WASHC3: variants seen among roughly 807,000 people sequenced by gnomAD.
The protein encoded by WASHC3 is WASH complex subunit CCDC53.
A neutral mutation model predicts 26.1 loss-of-function variants in WASHC3; 24 were observed. The observed-to-expected ratio is 0.92, with a 90% CI of 0.66 to 1.29. The LOEUF (loss-of-function observed/expected upper bound fraction) is 1.29. Ranked by LOEUF, WASHC3 falls within the 50% of genes most tolerant of loss-of-function variation. The pLI is 0.00. For missense variants in WASHC3, 214 were observed against 229.6 expected (o/e 0.93, Z 0.44); for synonymous variants, 77 against 75.7 (o/e 1.02, Z -0.09).
At chr12:102,036,349 A>G (rs973617851) in intron 5 of WASHC3, among the ~76,000 whole-genome samples, 5 of 141,532 alleles carry the variant, frequency 3.5e-5, no homozygotes, top group African/African-American at 1.4e-4. Context: ...GTGACAAGAG[A>G]GAGACTCCGT....
intron 3 of WASHC3, among the ~76,000 whole-genome samples, chr12:102,044,836 T>TTTCA (rs1396393902): frequency 1.3e-5 from 2 of 152,332 alleles, no homozygotes; most frequent in Non-Finnish European, 2.9e-5. Flanking sequence ...GCTTTCACTA[T>TTTCA]GAAATAGTTA....
At chr12:102,041,981 G>A (rs1052919700) in intron 4 of WASHC3, among the ~76,000 whole-genome samples, 3 of 151,944 alleles carry the variant, frequency 2.0e-5, no homozygotes, top group Non-Finnish European at 4.4e-5. Flanking sequence ...AACTGCATAA[G>A]AATTTTAAAG....
chr12:102,021,609 G>A (rs1168973292), intron 6 of WASHC3, among the ~76,000 whole-genome samples: 1 of 152,186 alleles, frequency 6.6e-6, no homozygotes, highest in Non-Finnish European at 1.5e-5. Flanking sequence ...ATGAGGACTG[G>A]TAATTACATT....
intron 5 of WASHC3, among the ~76,000 whole-genome samples, chr12:102,036,291 G>A (rs1877652097): frequency 6.6e-6 from 1 of 151,638 alleles, no homozygotes; most frequent in South Asian, 2.1e-4. Flanking sequence ...GAATCTGGGA[G>A]GCAGAGGTTG....
At chr12:102,031,426 T>C (rs902513395) in intron 5 of WASHC3, among the ~76,000 whole-genome samples, 1 of 152,242 alleles carries the variant, frequency 6.6e-6, no homozygotes, top group African/African-American at 2.4e-5. Context: ...ACTATTCATA[T>C]AGTTTACTAT....
At chr12:102,013,412 T>C (rs1876566376) in intron 6 of WASHC3, among the ~76,000 whole-genome samples, 1 of 152,200 alleles carries the variant, frequency 6.6e-6, no homozygotes, top group Non-Finnish European at 1.5e-5. Context: ...TATTTTCTCT[T>C]GCCAGTCCTT....
In WASHC3 at chr12:102,061,941, G is replaced by A. The variant is rs1488138549; in HGVS notation, c.22C>T (p.Leu8Phe). The A allele has an allele frequency of 5.6e-6, 9 of 1,601,618 alleles. No homozygotes were observed. Among genetic ancestry groups the A allele is most frequent in the South Asian group, 2.3e-5 (2 of 88,842 alleles). MDEDGLP[L>F]MGSGIDLTKV... ...GTCAGGTCTATGCCTGACCCCATGA[G>A]AGGAAGCCCGTCCTCATCCATCTCC... Residue 8 changes from leucine to phenylalanine, a missense_variant, in exon 1 of 7, where the codon CTC becomes TTC. Leu to Phe is a conservative substitution (Grantham distance 22). Coordinates refer to ENST00000240079, the MANE Select transcript of WASHC3 (RefSeq NM_016053.4).
chr12:102,035,752 C>G (rs986772694), intron 5 of WASHC3, among the ~76,000 whole-genome samples: 2 of 152,146 alleles, frequency 1.3e-5, no homozygotes, highest in Non-Finnish European at 2.9e-5. Context: ...ATACCATTCT[C>G]CCTCTCATGG....
chr12:102,060,722 G>A (rs1048706370), intron 2 of WASHC3, among the ~76,000 whole-genome samples: 9 of 152,074 alleles, frequency 5.9e-5, no homozygotes, highest in Non-Finnish European at 1.2e-4. Flanking sequence ...TTGGGAGGCC[G>A]AGGCTAGTGG....
At chr12:102,054,157 A>T (rs999317534) in intron 2 of WASHC3, among the ~76,000 whole-genome samples, 1 of 152,222 alleles carries the variant, frequency 6.6e-6, no homozygotes, top group Non-Finnish European at 1.5e-5. Flanking sequence ...AGACAGCAAG[A>T]GTGGAAGAAA....
chr12:102,047,266 T>A (rs547760999), intron 2 of WASHC3, among the ~76,000 whole-genome samples: 1 of 152,316 alleles, frequency 6.6e-6, no homozygotes, highest in East Asian at 1.9e-4. Context: ...GGGATATTAT[T>A]AAGATCCTGA....
intron 5 of WASHC3, among the ~76,000 whole-genome samples, chr12:102,034,781 A>AGTGTGTGTGTGT (rs60815635): frequency 2.2e-4 from 32 of 146,172 alleles, no homozygotes; most frequent in African/African-American, 6.3e-4. Context: ...CCTAAAAAAA[A>AGTGTGTGTGTGT]GTGTGTGTGT....
At chr12:102,040,867 G>T (rs968013491) in intron 4 of WASHC3, among the ~76,000 whole-genome samples, 14 of 151,890 alleles carry the variant, frequency 9.2e-5, no homozygotes, top group African/African-American at 2.2e-4. Flanking sequence ...AGCATTAAAA[G>T]AATTTCCTTA....
intron 5 of WASHC3, among the ~76,000 whole-genome samples, chr12:102,027,384 C>T (rs1031684511): frequency 1.3e-5 from 2 of 152,048 alleles, no homozygotes; most frequent in Non-Finnish European, 2.9e-5. Flanking sequence ...TTTTGTATTT[C>T]CCAGTAAAAT....
At chr12:102,050,650 A>G (rs2136682994) in intron 2 of WASHC3, 1 of 438,052 alleles carries the variant, frequency 2.3e-6, no homozygotes, top group Non-Finnish European at 4.5e-6. Context: ...CTCGGGGGGA[A>G]AAGAAAAGAA....
chr12:102,032,882 T>G (rs1314743501), intron 5 of WASHC3, among the ~76,000 whole-genome samples: 2 of 152,192 alleles, frequency 1.3e-5, no homozygotes, highest in Non-Finnish European at 2.9e-5. Context: ...TGTTTTAATC[T>G]AATCATTGTT....
chr12:102,046,257 A>T, intron 2 of WASHC3, 138 bp from the exon 3 acceptor site: 1 of 544,184 alleles, frequency 1.8e-6, no homozygotes, highest in East Asian at 3.2e-5. Context: ...TTACATGAGT[A>T]GGAATGAGAA....
At chr12:102,037,952 T>C (rs1877745137) in intron 5 of WASHC3, among the ~76,000 whole-genome samples, 1 of 152,004 alleles carries the variant, frequency 6.6e-6, no homozygotes, top group Admixed American at 6.6e-5. Flanking sequence ...TGTGCCACCA[T>C]GACCAGCTAA....
At chr12:102,020,024 G>C (rs1202017126) in intron 6 of WASHC3, among the ~76,000 whole-genome samples, 2 of 152,136 alleles carry the variant, frequency 1.3e-5, no homozygotes, top group Non-Finnish European at 2.9e-5. Context: ...CACAGTCTAG[G>C]CCTGGCCAAT....
Sources: allele counts gnomAD v4.1 joint callset (sites outside exome capture counted in the v4.1 genomes callset), GRCh38; gene constraint gnomAD v4.1.1; transcripts MANE v1.5; gene names NCBI Gene and HGNC (gene_info 2026-07-23, HGNC 2026-07-21).